Variants in TMC5 observed in about 807,000 individuals in gnomAD.
The protein encoded by TMC5 is transmembrane channel-like protein 5.
Under a neutral mutation model 110.5 loss-of-function variants are expected in TMC5, and 86 were observed. The ratio of observed to expected loss-of-function variants is 0.78; its 90% CI spans 0.65 to 0.93. The LOEUF is 0.93. TMC5 is among the 40% of genes least tolerant of loss of function. The pLI is 0.00. For missense variants in TMC5, 1,144 were observed against 1,222.8 expected, an observed-to-expected ratio of 0.94 and a Z score of 0.96; for synonymous variants, 455 against 439.5, an observed-to-expected ratio of 1.04 and a Z score of -0.44.
rs781214257 is a variant in TMC5, at chr16:19,492,237, C to T, written c.2826+9C>T. 6.9e-6 allele frequency: 11 copies of T among 1,605,164 alleles called. No individual in the cohort carries two copies. Among genetic ancestry groups the T allele is most frequent in the Non-Finnish European group, 9.4e-6 (11 of 1,172,256 alleles). Reference sequence around the variant, plus strand: ...ATGAGCAGATCATTAATGTAAGTCCCCTTGGATCCCTCTGATGTCCGCCCT... The same window carrying T: ...ATGAGCAGATCATTAATGTAAGTCCTCTTGGATCCCTCTGATGTCCGCCCT... On this transcript the variant is annotated intron_variant, in intron 19 of 21. Coordinates refer to ENST00000542583, the MANE Select transcript of TMC5 (RefSeq NM_001261841.2).
Position 19,444,196 on chromosome 16 carries a change from G to A in TMC5, c.904G>A (p.Glu302Lys), listed in dbSNP as rs373225519. The part of the protein sequence containing the change: ...YPEGIEMASM[E>K]MANSYGHSLP... ...TGAAGGCATTGAAATGGCATCCATGGAGATGGCAAACTCATATGGCCACTC... is the reference window on the plus strand; with the variant it reads ...TGAAGGCATTGAAATGGCATCCATGAAGATGGCAAACTCATATGGCCACTC... The change falls in exon 4 of 22, where the codon GAG (glutamate) becomes AAG (lysine). Residue 302 changes from glutamate to lysine, a missense_variant. Coordinates refer to ENST00000542583, the MANE Select transcript of TMC5 (RefSeq NM_001261841.2). The A allele has an allele frequency of 2.1e-4, 336 of 1,613,918 alleles. No homozygotes were observed. Among genetic ancestry groups the A allele is most frequent in the Non-Finnish European group, 2.6e-4 (302 of 1,180,034 alleles).
chr16:19,476,636 C>T (rs1968497085), intron 12 of TMC5, among the ~76,000 whole-genome samples: 1 of 152,132 alleles, frequency 6.6e-6, no homozygotes. Context: ...ACATTATGTA[C>T]ATTTACTATC....
At chr16:19,452,608 T>G (rs1967775308) in intron 5 of TMC5, among the ~76,000 whole-genome samples, 1 of 152,130 alleles carries the variant, frequency 6.6e-6, no homozygotes. Context: ...TCCCAGCTAC[T>G]TGGGAGGCTG....
intron 1 of TMC5, among the ~76,000 whole-genome samples, chr16:19,419,071 G>A (rs535473780): frequency 5.3e-5 from 8 of 152,298 alleles, no homozygotes; most frequent in Admixed American, 3.9e-4. Context: ...CCCAGCGTAT[G>A]CAATCAGAGA....
At chr16:19,459,047 T>C (rs1473529091) in intron 5 of TMC5, among the ~76,000 whole-genome samples, 12 of 148,244 alleles carry the variant, frequency 8.1e-5, no homozygotes, top group African/African-American at 2.0e-4. Flanking sequence ...GTTTTTTGCT[T>C]TTTTTTTTTT....
chr16:19,491,725 C>T (rs532402052), intron 18 of TMC5, among the ~76,000 whole-genome samples: 17 of 151,970 alleles, frequency 1.1e-4, no homozygotes, highest in African/African-American at 3.6e-4. Context: ...TTAATAGAGA[C>T]AGGGTTTCAC....
chr16:19,438,672 A>G (rs1040285638), intron 2 of TMC5, among the ~76,000 whole-genome samples: 1 of 151,986 alleles, frequency 6.6e-6, no homozygotes, highest in African/African-American at 2.4e-5. Flanking sequence ...GCTTGAACCT[A>G]GGAGGCGGAG....
intron 13 of TMC5, among the ~76,000 whole-genome samples, chr16:19,477,854 A>G (rs750550589): frequency 2.2e-4 from 34 of 152,200 alleles, no homozygotes; most frequent in Non-Finnish European, 4.1e-4. Flanking sequence ...TGCAATAGAC[A>G]CTAGTAATTT....
Position 19,445,303 on chromosome 16 carries a change from G to A in TMC5, c.958+1053G>A, listed in dbSNP as rs373659789. Among the ~76,000 whole-genome samples, 22 of 151,504 alleles carry A rather than the reference G, an allele frequency of 1.5e-4. 1 individual carries two copies. The highest frequency in any genetic ancestry group is 3.9e-4 in the East Asian group (2 of 5,180). On this transcript the variant is annotated intron_variant, in intron 4 of 21. Transcript: ENST00000542583. ...GACAGTGTCCTGCTCTGTCACCCAG[G>A]CTGATCATAGCTCACTGCAGCCTCA...
intron 2 of TMC5, among the ~76,000 whole-genome samples, chr16:19,435,824 C>T (rs1967332236): frequency 6.6e-6 from 1 of 152,250 alleles, no homozygotes; most frequent in African/African-American, 2.4e-5. Context: ...GCATCTGTGA[C>T]ATTCATCCAT....
intron 4 of TMC5, among the ~76,000 whole-genome samples, chr16:19,444,832 C>T (rs1225188566): frequency 6.6e-6 from 1 of 152,210 alleles, no homozygotes; most frequent in East Asian, 1.9e-4. Flanking sequence ...AAAAGTGCCA[C>T]ATCAAGACTA....
intron 1 of TMC5, among the ~76,000 whole-genome samples, chr16:19,412,390 C>T (rs1209246694): frequency 1.4e-5 from 2 of 139,134 alleles, no homozygotes; most frequent in Non-Finnish European, 3.1e-5. Context: ...TTTTTTGAGA[C>T]AGTCTCGTTC....
chr16:19,461,488 C>T (rs972506867), intron 6 of TMC5, among the ~76,000 whole-genome samples: 4 of 152,072 alleles, frequency 2.6e-5, no homozygotes, highest in South Asian at 4.2e-4. Flanking sequence ...ACAGGAGAAT[C>T]GCTTGAACCT....
chr16:19,450,998 G>A (rs1022821403), intron 5 of TMC5, among the ~76,000 whole-genome samples: 3 of 152,128 alleles, frequency 2.0e-5, no homozygotes, highest in Non-Finnish European at 2.9e-5. Flanking sequence ...AGCCAGGCAC[G>A]GGGGTTATGC....
chr16:19,475,609 G>A (rs2143664170), intron 12 of TMC5, among the ~76,000 whole-genome samples: 1 of 152,076 alleles, frequency 6.6e-6, no homozygotes, highest in African/African-American at 2.4e-5. Context: ...TCACAAATAT[G>A]CCAAACCATA....
chr16:19,492,921 T>G (rs1179504802), intron 19 of TMC5, among the ~76,000 whole-genome samples: 3 of 113,554 alleles, frequency 2.6e-5, no homozygotes, highest in African/African-American at 5.7e-5. Context: ...CTTAGATATA[T>G]ATATATATAT....
intron 15 of TMC5, among the ~76,000 whole-genome samples, chr16:19,486,626 T>A (rs4780810): frequency 1.1e-4 from 17 of 152,016 alleles, no homozygotes; most frequent in East Asian, 5.8e-4. Flanking sequence ...ATTCACCCCC[T>A]CTTGGCCTCC....
At chr16:19,472,346 C>G in intron 11 of TMC5, 103 bp downstream of exon 11, 1 of 1,311,322 alleles carries the variant, frequency 7.6e-7, no homozygotes, top group South Asian at 1.3e-5. Flanking sequence ...GGATCTATGG[C>G]CAGCAGCATC....
At chr16:19,437,932 C>T (rs1967383381) in intron 2 of TMC5, among the ~76,000 whole-genome samples, 1 of 152,150 alleles carries the variant, frequency 6.6e-6, no homozygotes. Context: ...GGTTTACATG[C>T]CCATTCTTGA....
Sources: gnomAD v4.1 joint callset for allele counts (sites outside exome capture counted in the v4.1 genomes callset) on GRCh38, gnomAD v4.1.1 for gene constraint, MANE v1.5 for transcripts, NCBI Gene and HGNC (gene_info 2026-07-23, HGNC 2026-07-21) for gene names.